The following CROCC variants were observed in gnomAD, a reference collection of about 807,000 sequenced individuals.
CROCC encodes the protein ciliary rootlet coiled-coil, rootletin.
CROCC carries 180 observed loss-of-function variants against 245.2 expected under a neutral mutation model. That is an observed-to-expected ratio of 0.73 (90% CI 0.65 to 0.83). The LOEUF (loss-of-function observed/expected upper bound fraction) is 0.83, where lower values mean the gene tolerates loss of function less well. CROCC is among the 40% of genes least tolerant of loss of function. The pLI is 0.00. For synonymous variants in CROCC, 1,205 were observed against 1,241.6 expected (o/e 0.97, Z 0.62); for missense variants, 2,688 against 2,779.4 (o/e 0.97, Z 0.74).
At chr1:16,970,083 A>G in intron 33 of CROCC, 149 bp downstream of exon 33, 18 of 1,243,420 alleles carry the variant, frequency 1.4e-5, no homozygotes, top group Non-Finnish European at 1.7e-5. Context: ...GTCCTGTTAT[A>G]CAGATGGAGA....
chr1:16,934,550 G>C (rs1448990289), intron 8 of CROCC, among the ~76,000 whole-genome samples: 2 of 152,266 alleles, frequency 1.3e-5, no homozygotes, highest in African/African-American at 2.4e-5. Context: ...CAGTGCACCT[G>C]CCTTGGCCTC....
At chr1:16,967,465 A>G (rs1158416555) in intron 30 of CROCC, among the ~76,000 whole-genome samples, 1 of 152,134 alleles carries the variant, frequency 6.6e-6, no homozygotes, top group Non-Finnish European at 1.5e-5. Context: ...AACCCTGGCC[A>G]TGGGCCCAGC....
chr1:16,924,890 GGTGT>G (rs2075497657), intron 3 of CROCC, among the ~76,000 whole-genome samples: 1 of 152,264 alleles, frequency 6.6e-6, no homozygotes, highest in South Asian at 2.1e-4. Context: ...GCTCGAGGCT[GGTGT>G]GGGCACCCGC....
chr1:16,920,417 T>G (rs997189431), upstream of CROCC, among the ~76,000 whole-genome samples: 1 of 152,228 alleles, frequency 6.6e-6, no homozygotes, highest in African/African-American at 2.4e-5. Context: ...GGTCTCAAAC[T>G]CCTGACCTCA....
intron 1 of CROCC, among the ~76,000 whole-genome samples, chr1:16,915,143 C>G (rs2075288313): frequency 6.6e-6 from 1 of 152,280 alleles, no homozygotes; most frequent in African/African-American, 2.4e-5. Context: ...CTGGTTTTCA[C>G]CCTGATCTTC....
chr1:16,927,892 A>G lies in CROCC; in HGVS notation c.352-1954A>G, dbSNP rs1407083693. On this transcript the variant is annotated intron_variant, in intron 3 of 36. Transcript: ENST00000375541. ...CTCCAGACTCAGGGGGAAGCCCCCAAGTAGTCACAGTTAGCTCCTCCCTAT... is the reference window on the plus strand; with the variant it reads ...CTCCAGACTCAGGGGGAAGCCCCCAGGTAGTCACAGTTAGCTCCTCCCTAT... Among the ~76,000 whole-genome samples the G allele has an allele frequency of 2.6e-5, 4 of 152,396 alleles. No individual in the cohort carries two copies. In the East Asian group the frequency reaches 5.8e-4, roughly 22 times the overall value.
intron 1 of CROCC, among the ~76,000 whole-genome samples, chr1:16,915,533 A>C (rs1437780503): frequency 1.3e-5 from 2 of 152,192 alleles, no homozygotes; most frequent in Admixed American, 6.5e-5. Context: ...CCAGCTACTC[A>C]GGAGGCTGAG....
rs1324163096 is a variant in CROCC, at chr1:16,944,153, A to C, written c.1862A>C (p.Glu621Ala). Residue 621 changes from glutamate to alanine, a missense_variant, in exon 14 of 37, where the codon GAG becomes GCG. By Grantham distance (107) the Glu-to-Ala change is moderately radical. Around this residue, in one of 9 missense-constraint regions of CROCC, gnomAD observed 972 missense variants for 895.3 expected, o/e 1.09. Transcript: ENST00000375541. ...SLQVAQQQAE[E>A]LRQEREKLQA... is the part of the protein sequence containing the mutation. ...CAGGTGGCCCAGCAGCAGGCCGAGG[A>C]GCTGCGGCAGGAGCGGGAGAAGCTG... The C allele has an allele frequency of 1.3e-6, 2 of 1,559,478 alleles. No homozygotes were observed. Among genetic ancestry groups the C allele is most frequent in the Non-Finnish European group, 1.7e-6 (2 of 1,151,520 alleles).
intron 3 of CROCC, among the ~76,000 whole-genome samples, chr1:16,926,423 C>G (rs970242844): frequency 6.6e-6 from 1 of 152,282 alleles, no homozygotes; most frequent in African/African-American, 2.4e-5. Context: ...CTGCCACCCC[C>G]TTGTCCCCAT....
intron 36 of CROCC, 144 bp from the exon 37 acceptor site, chr1:16,972,216 A>G (rs1299718327): frequency 7.0e-6 from 5 of 712,044 alleles, no homozygotes; most frequent in Non-Finnish European, 1.3e-5. Context: ...ACAAAATGAG[A>G]AAGGCAGGAC....
chr1:16,919,157 C>T (rs1481513639), upstream of CROCC, among the ~76,000 whole-genome samples: 9 of 152,280 alleles, frequency 5.9e-5, no homozygotes, highest in Non-Finnish European at 7.3e-5. Context: ...TGGGCGTGAG[C>T]GGTCCAGCCT....
rs370392996 is a variant in CROCC, at chr1:16,954,346, G to C, written c.3310G>C (p.Glu1104Gln). Residue 1104 changes from glutamate to glutamine, a missense_variant, in exon 22 of 37, where the codon GAG becomes CAG. Around this residue, in one of 9 missense-constraint regions of CROCC, gnomAD observed 32 missense variants for 54.1 expected, o/e 0.59. Coordinates refer to ENST00000375541, the MANE Select transcript of CROCC (RefSeq NM_014675.5). The surrounding 1 kb of genome is among the most constrained non-coding windows in gnomAD (Gnocchi z 4.4). The part of the protein sequence containing the change: ...RQKRDAQSRQ[E>Q]QDRSTVNALT... ...GAAACGAGATGCCCAGAGCCGGCAG[G>C]AGCAGGACCGGGTAGGGCAGGCTGG... is the stretch of plus-strand genomic sequence containing the variant. 5.0e-6 allele frequency: 8 copies of C among 1,611,354 alleles called. No individual in the cohort carries two copies. The African/African-American group carries it at 1.1e-4, about 22-fold the overall frequency.
At chr1:16,947,110 T>A in intron 17 of CROCC, 119 bp downstream of exon 17, 1 of 962,036 alleles carries the variant, frequency 1.0e-6, no homozygotes, top group Non-Finnish European at 1.5e-6. Flanking sequence ...CTGGGTTAAA[T>A]CCAGCCCCAC....
chr1:16,955,280 C>T (rs756427683), intron 23 of CROCC, 32 bp from the exon 24 acceptor site: 29 of 1,596,984 alleles, frequency 1.8e-5, no homozygotes, highest in African/African-American at 2.7e-5. Flanking sequence ...GGTCCCTGAC[C>T]GCTGCCCTGG....
chr1:16,941,068 C>A, intron 13 of CROCC: 1 of 228,070 alleles, frequency 4.4e-6, no homozygotes. Flanking sequence ...ACTATGTTGC[C>A]CATGCTGGTC....
At chr1:16,958,937 A>G (rs950720374) in intron 26 of CROCC, among the ~76,000 whole-genome samples, 187 bp downstream of exon 26, 1 of 152,220 alleles carries the variant, frequency 6.6e-6, no homozygotes, top group Admixed American at 6.5e-5. Context: ...GTGTGCCGGC[A>G]CAAAATGGGT....
At chr1:16,968,110 G>T (rs757568958) in intron 30 of CROCC, 93 bp from the exon 31 acceptor site, 11 of 1,311,316 alleles carry the variant, frequency 8.4e-6, no homozygotes. Flanking sequence ...CTTCGAGGCT[G>T]CTCCCCACTT....
At chr1:16,969,010 G>A in intron 31 of CROCC, 106 bp from the exon 32 acceptor site, 3 of 1,075,142 alleles carry the variant, frequency 2.8e-6, no homozygotes, top group African/African-American at 3.1e-5. Flanking sequence ...CCAGAGAGAA[G>A]TGGGAAGGGT....
Position 16,954,334 on chromosome 1 carries a change from C to G in CROCC, c.3298C>G (p.Gln1100Glu), listed in dbSNP as rs749205015. 4 of 1,611,682 alleles carry G rather than the reference C, an allele frequency of 2.5e-6. No individual in the cohort carries two copies. Among genetic ancestry groups the G allele is most frequent in the Non-Finnish European group, 3.4e-6 (4 of 1,179,838 alleles). ...GATGGAGCGGCAGAAACGAGATGCCCAGAGCCGGCAGGAGCAGGACCGGGT... is the reference window on the plus strand; with the variant it reads ...GATGGAGCGGCAGAAACGAGATGCCGAGAGCCGGCAGGAGCAGGACCGGGT... ...LEMERQKRDAQSRQEQDRSTV... is the reference protein window; with the variant it reads ...LEMERQKRDAESRQEQDRSTV... Residue 1100 changes from glutamine to glutamate, a missense_variant, in exon 22 of 37, where the codon CAG becomes GAG. Physicochemically the swap from Gln to Glu is conservative, Grantham distance 29. Transcript: ENST00000375541. The surrounding 1 kb of genome is among the most constrained non-coding windows in gnomAD (Gnocchi z 4.4).
Sources: allele counts gnomAD v4.1 joint callset (sites outside exome capture counted in the v4.1 genomes callset), GRCh38; gene constraint gnomAD v4.1.1; regional missense constraint gnomAD v4.1.1; non-coding constraint Gnocchi (gnomAD v3.1); transcripts MANE v1.5; gene names NCBI Gene and HGNC (gene_info 2026-07-23, HGNC 2026-07-21).